The following MCF2L2 variants were observed in gnomAD, a reference collection of about 807,000 sequenced individuals.
The protein encoded by MCF2L2 is MCF.2 cell line derived transforming sequence-like 2.
MCF2L2 carries 102 observed loss-of-function variants against 150.2 expected under a neutral mutation model. That is an observed-to-expected ratio of 0.68 (90% CI 0.58 to 0.80). MCF2L2 has a LOEUF of 0.80. MCF2L2 is among the 30% of genes least tolerant of loss of function. MCF2L2 has a pLI of 0.00. For missense variants in MCF2L2, 1,256 were observed against 1,372.8 expected, an observed-to-expected ratio of 0.91 and a Z score of 1.34; for synonymous variants, 465 against 491.3, an observed-to-expected ratio of 0.95 and a Z score of 0.71.
At chr3:183,366,610 C>T (rs1712536879) in intron 3 of MCF2L2, among the ~76,000 whole-genome samples, 1 of 152,068 alleles carries the variant, frequency 6.6e-6, no homozygotes, top group Non-Finnish European at 1.5e-5. Context: ...CGCACCACTG[C>T]ACTCCAGCCT....
rs570333129 is a variant in MCF2L2 at position 183,227,668 on chromosome 3, T to C, written c.2115+629A>G. The C allele has an allele frequency of 2.6e-5, 4 of 152,262 alleles. No homozygotes were observed. Among genetic ancestry groups the C allele is most frequent in the African/African-American group, 9.6e-5 (4 of 41,554 alleles). 9.4% of individuals were successfully genotyped at this position (152,262 alleles called of 1,614,324 possible). ...GACCATGGATGGCCAGCCTTCCATT[T>C]CATGGGGCTTTGCAGGAAGCCAGGC... On this transcript the variant is annotated intron_variant, in intron 18 of 29. Transcript: ENST00000328913. This position sits in a 1 kb window ranked among gnomAD's most constrained non-coding sequence, Gnocchi z 4.0.
intron 15 of MCF2L2, chr3:183,253,097 G>A (rs1483106464): frequency 6.6e-6 from 1 of 152,142 alleles, no homozygotes; most frequent in Non-Finnish European, 1.5e-5. Flanking sequence ...CTCATCTACA[G>A]ACAAGAACAA....
chr3:183,366,453 T>C (rs535420163), intron 3 of MCF2L2, among the ~76,000 whole-genome samples: 1 of 152,284 alleles, frequency 6.6e-6, no homozygotes, highest in South Asian at 2.1e-4. Context: ...AAGACCAGCC[T>C]GGCCAACATG....
intron 1 of MCF2L2, among the ~76,000 whole-genome samples, chr3:183,411,107 G>A (rs542919459): frequency 2.4e-4 from 37 of 152,264 alleles, no homozygotes; most frequent in African/African-American, 8.9e-4. Flanking sequence ...TTCAAATCCT[G>A]GTCCTGCCAC....
rs375343208 is a variant in MCF2L2, at chr3:183,325,446, T to C, written c.487-2095A>G. On this transcript the variant is annotated intron_variant, in intron 5 of 29. Transcript: ENST00000328913. ...AAAATGGTTTGGGGCTTTTAAAATG[T>C]ATCTTTATAATATGAGAATGGATAA... Among the ~76,000 whole-genome samples the C allele has an allele frequency of 2.7e-4, 41 of 152,286 alleles. 1 individual carries two copies. The highest frequency in any genetic ancestry group is 9.1e-4 in the African/African-American group (38 of 41,556).
intron 21 of MCF2L2, 125 bp downstream of exon 21, chr3:183,219,731 T>C: frequency 1.6e-6 from 1 of 627,748 alleles, no homozygotes; most frequent in Non-Finnish European, 2.8e-6. Context: ...AGTTATAGGA[T>C]ACATACTATT....
chr3:183,234,257 C>T (rs576899050), intron 15 of MCF2L2, among the ~76,000 whole-genome samples: 1 of 152,276 alleles, frequency 6.6e-6, no homozygotes, highest in South Asian at 2.1e-4. Flanking sequence ...AAGCTGGCTT[C>T]AGGATGCATT....
chr3:183,269,273 C>T (rs1199532475), intron 15 of MCF2L2, among the ~76,000 whole-genome samples: 21 of 121,868 alleles, frequency 1.7e-4, no homozygotes, highest in African/African-American at 7.3e-4. Flanking sequence ...AAAAAGGTCT[C>T]TGTACTCTGA....
chr3:183,425,893 T>G (rs1716138439), intron 1 of MCF2L2, among the ~76,000 whole-genome samples: 1 of 151,394 alleles, frequency 6.6e-6, no homozygotes, highest in Admixed American at 6.6e-5. Context: ...AGGCGGAGGT[T>G]GCAGTGAGTC....
At chr3:183,408,562 C>T (rs1156340850) in intron 1 of MCF2L2, among the ~76,000 whole-genome samples, 1 of 152,144 alleles carries the variant, frequency 6.6e-6, no homozygotes, top group African/African-American at 2.4e-5. Context: ...GCCCAGCTCC[C>T]GCAGGCCTTC....
chr3:183,423,840 C>A (rs1277342062), intron 1 of MCF2L2, among the ~76,000 whole-genome samples: 1 of 151,788 alleles, frequency 6.6e-6, no homozygotes, highest in African/African-American at 2.4e-5. Context: ...GTTGGTCAGG[C>A]TGAACTCCCG....
At chr3:183,419,264 C>T (rs1187419200) in intron 1 of MCF2L2, among the ~76,000 whole-genome samples, 2 of 152,184 alleles carry the variant, frequency 1.3e-5, no homozygotes, top group African/African-American at 4.8e-5. Flanking sequence ...TGGGCCCGGC[C>T]CATACAACCA....
intron 1 of MCF2L2, among the ~76,000 whole-genome samples, chr3:183,417,745 A>G (rs190351228): frequency 6.6e-6 from 1 of 152,306 alleles, no homozygotes; most frequent in Admixed American, 6.5e-5. Flanking sequence ...GAAACTGGGT[A>G]ATTTATAAAG....
chr3:183,300,092 C>T lies in MCF2L2; in HGVS notation c.1218G>A (p.Arg406=), dbSNP rs771013741. 6.8e-6 allele frequency: 11 copies of T among 1,613,564 alleles called. No homozygotes were observed. The Admixed American group carries it at 1.8e-4, about 27-fold the overall frequency. The change falls in exon 11 of 30, where the codon AGG becomes AGA. Residue 406 remains arginine (R), a synonymous_variant. Coordinates refer to ENST00000328913, the MANE Select transcript of MCF2L2 (RefSeq NM_015078.4). ...DAIRPRCVEL[R]HLCDDFINGN... ...CATTGATGAAATCGTCACAGAGGTG[C>T]CTGAGCTCCACACACCGGGGCCTGA...
chr3:183,224,788 ACT>A (rs1723284784), intron 18 of MCF2L2: 2 of 152,496 alleles, frequency 1.3e-5, no homozygotes, highest in South Asian at 2.1e-4. Context: ...GCAGCACAAG[ACT>A]CTGAGACAGG....
At chr3:183,195,356 T>C (rs1257753975) in intron 25 of MCF2L2, 101 bp from the exon 26 acceptor site, 6 of 771,166 alleles carry the variant, frequency 7.8e-6, no homozygotes, top group African/African-American at 1.8e-5. Context: ...ATAAAGAGAA[T>C]ACTATAAAAA....
rs80347040 is a variant in MCF2L2 at position 183,224,714 on chromosome 3, G to A, written c.2116-524C>T. ...ATGTGGTAGATCGGGCAACCAATAC[G>A]GAGCTCAGTCATTTGGGCAACCCTC... On this transcript the variant is annotated intron_variant, in intron 18 of 29. Transcript: ENST00000328913. The A allele has an allele frequency of 1.7e-3, 258 of 152,688 alleles. 2 individuals are homozygous for A. Among genetic ancestry groups the A allele is most frequent in the Non-Finnish European group, 3.0e-3 (204 of 68,360 alleles). The allele number at this position is 152,688 out of a possible 1,614,324, so 9.5% of individuals were successfully genotyped here.
intron 2 of MCF2L2, among the ~76,000 whole-genome samples, chr3:183,386,354 G>A (rs1713829974): frequency 1.3e-5 from 2 of 152,194 alleles, no homozygotes; most frequent in African/African-American, 4.8e-5. Context: ...AGCTACCAGA[G>A]GCCCCAGCCC....
chr3:183,180,680 CAT>C (rs1212406352), intron 27 of MCF2L2, among the ~76,000 whole-genome samples: 1 of 152,228 alleles, frequency 6.6e-6, no homozygotes, highest in East Asian at 1.9e-4. Context: ...CTATGGCGCA[CAT>C]GTTACATCCC....
Sources: allele counts gnomAD v4.1 joint callset (sites outside exome capture counted in the v4.1 genomes callset), GRCh38; gene constraint gnomAD v4.1.1; non-coding constraint Gnocchi (gnomAD v3.1); transcripts MANE v1.5; gene names NCBI Gene and HGNC (gene_info 2026-07-23, HGNC 2026-07-21).